The following DYRK4 variants were observed in gnomAD, a reference collection of about 807,000 sequenced individuals.
DYRK4 encodes the protein dual specificity tyrosine-phosphorylation-regulated kinase 4.
DYRK4 carries 64 observed loss-of-function variants against 68.3 expected under a neutral mutation model. The observed-to-expected ratio is 0.94, with a 90% CI of 0.77 to 1.15. The LOEUF is 1.15. Among genes scored for constraint, DYRK4 ranks in the 50% most tolerant of loss-of-function variants. DYRK4 has a pLI of 0.00. For missense variants in DYRK4, 740 were observed against 764.7 expected (o/e 0.97, Z 0.38); for synonymous variants, 274 against 289.9 (o/e 0.95, Z 0.56).
chr12:4,599,633 G>A lies in DYRK4; in HGVS notation c.1045-74G>A. 3.6e-6 allele frequency: 4 copies of A among 1,111,274 alleles called. No homozygotes were observed. The South Asian group carries it at 5.5e-5, about 15-fold the overall frequency. 68.8% of individuals were successfully genotyped at this position (1,111,274 alleles called of 1,614,324 possible). Reference sequence around the variant, plus strand: ...ATATTTGAACTGGGCCCTGAAGGATGAGGAGCATTTAGGTAAGTAGAGGGC... The same window carrying A: ...ATATTTGAACTGGGCCCTGAAGGATAAGGAGCATTTAGGTAAGTAGAGGGC... On this transcript the variant is annotated intron_variant, in intron 9 of 14. Transcript: ENST00000543431.
Position 4,599,935 on chromosome 12 carries a change from A to G in DYRK4, c.1126+147A>G, listed in dbSNP as rs1025447276. 59 of 644,614 alleles carry G rather than the reference A, an allele frequency of 9.2e-5. 1 individual carries two copies. The East Asian group carries it at 1.5e-3, about 17-fold the overall frequency. The allele number at this position is 644,614 out of a possible 1,614,324, so 39.9% of individuals were successfully genotyped here. A position where few individuals can be genotyped will look rare whatever the true frequency, so the allele number is the denominator to read the frequency against. ...CAAGGTGCTTCGCTTCTCTGAGCCC[A>G]AGTTGCCTCATCTACAATTTGAGAA... On this transcript the variant is annotated intron_variant, in intron 10 of 14. Transcript: ENST00000543431.
chr12:4,566,191 CT>C (rs1176806058), intron 1 of DYRK4, among the ~76,000 whole-genome samples: 4 of 152,138 alleles, frequency 2.6e-5, no homozygotes, highest in Admixed American at 1.3e-4. Context: ...TTCCTAGTTC[CT>C]CCAAATCGTG....
intron 3 of DYRK4, 23 bp from the exon 4 acceptor site, chr12:4,590,307 A>G (rs2137361206): frequency 4.6e-6 from 7 of 1,526,130 alleles, no homozygotes; most frequent in Non-Finnish European, 6.1e-6. Flanking sequence ...CTTTTGTAAC[A>G]CATGCAATTT....
At chr12:4,583,580 A>G (rs1170185646) in intron 2 of DYRK4, among the ~76,000 whole-genome samples, 1 of 152,050 alleles carries the variant, frequency 6.6e-6, no homozygotes, top group Non-Finnish European at 1.5e-5. Context: ...TTTTTAGTAG[A>G]GACAGGGTTT....
Position 4,588,885 on chromosome 12 carries a change from G to A in DYRK4, c.133-52G>A, listed in dbSNP as rs974442404. On this transcript the variant is annotated intron_variant, in intron 2 of 14. Coordinates refer to ENST00000543431, the MANE Select transcript of DYRK4 (RefSeq NM_001394779.1). Reference sequence around the variant, plus strand: ...TTGTAATGTAACAAAAATATACAGTGTGGGATAAAGCCATGCCAAGCATTG... The same window carrying A: ...TTGTAATGTAACAAAAATATACAGTATGGGATAAAGCCATGCCAAGCATTG... 1.0e-5 allele frequency: 15 copies of A among 1,497,232 alleles called. No individual in the cohort carries two copies. The African/African-American group carries it at 1.7e-4, about 17-fold the overall frequency. The allele number at this position is 1,497,232 out of a possible 1,614,324, so 92.7% of individuals were successfully genotyped here.
intron 13 of DYRK4, chr12:4,610,512 T>C (rs1214461260): frequency 8.2e-6 from 3 of 365,820 alleles, no homozygotes; most frequent in African/African-American, 6.3e-5. Context: ...TTTGCACGTA[T>C]GGAGGTTGGG....
chr12:4,570,034 C>A (rs1275367160), intron 2 of DYRK4, among the ~76,000 whole-genome samples: 6 of 141,180 alleles, frequency 4.2e-5, no homozygotes, highest in Non-Finnish European at 7.6e-5. Flanking sequence ...AAGACCCTGT[C>A]GCTATAAATA....
chr12:4,590,672 A>G (rs1944943799), intron 4 of DYRK4: 4 of 849,190 alleles, frequency 4.7e-6, no homozygotes, highest in Non-Finnish European at 6.4e-6. Flanking sequence ...GGATTCATTG[A>G]GGAAAAATGA....
intron 4 of DYRK4, 163 bp downstream of exon 4, chr12:4,590,603 C>A: frequency 7.5e-7 from 1 of 1,334,558 alleles, no homozygotes; most frequent in Non-Finnish European, 9.6e-7. Context: ...TAAGCTTGAG[C>A]AAATAAGTCC....
chr12:4,565,474 A>C (rs1243823220), intron 1 of DYRK4, among the ~76,000 whole-genome samples: 1 of 152,188 alleles, frequency 6.6e-6, no homozygotes, highest in Admixed American at 6.5e-5. Flanking sequence ...CAAATGGCTC[A>C]TTCAAAATCA....
Position 4,596,688 on chromosome 12 carries a change from C to G in DYRK4, c.864C>G (p.Phe288Leu). 1 of 1,614,210 alleles carries G rather than the reference C, an allele frequency of 6.2e-7. No homozygotes were observed. The highest frequency in any genetic ancestry group is 8.5e-7 in the Non-Finnish European group (1 of 1,180,044). The part of the protein sequence containing the change: ...TYNVVHMKDF[F>L]YFRNHFCITF... Reference sequence around the variant, plus strand: ...ATGTGGTGCATATGAAGGACTTTTTCTACTTTCGCAATCACTTCTGCATCA... The same window carrying G: ...ATGTGGTGCATATGAAGGACTTTTTGTACTTTCGCAATCACTTCTGCATCA... The change falls in exon 8 of 15, where the codon TTC (phenylalanine) becomes TTG (leucine). Residue 288 changes from phenylalanine (F) to leucine (L), a missense_variant. Physicochemically the swap from Phe to Leu is conservative, Grantham distance 22. Transcript: ENST00000543431.
intron 2 of DYRK4, among the ~76,000 whole-genome samples, chr12:4,579,714 A>T (rs973091033): frequency 1.3e-5 from 2 of 152,218 alleles, no homozygotes; most frequent in East Asian, 3.8e-4. Context: ...ACTTTATATT[A>T]TAGGAAATTT....
chr12:4,562,842 G>A (rs1944642015), intron 1 of DYRK4, among the ~76,000 whole-genome samples: 1 of 135,450 alleles, frequency 7.4e-6, no homozygotes, highest in South Asian at 2.3e-4. Context: ...CACACACCCA[G>A]AGCTGCCACT....
intron 1 of DYRK4, 67 bp downstream of exon 1, chr12:4,562,350 T>C: frequency 6.7e-7 from 1 of 1,494,396 alleles, no homozygotes; most frequent in Non-Finnish European, 8.9e-7. Context: ...CGACGAAGCT[T>C]CTGGTCGACG....
intron 10 of DYRK4, chr12:4,603,162 G>T: frequency 7.6e-7 from 1 of 1,313,896 alleles, no homozygotes; most frequent in Non-Finnish European, 1.1e-6. Context: ...TGAATACTCG[G>T]TACCGAAATG....
chr12:4,562,326 G>T, intron 1 of DYRK4, 43 bp downstream of exon 1: 1 of 1,520,022 alleles, frequency 6.6e-7, no homozygotes, highest in Admixed American at 2.1e-5. Context: ...AGTCAGGCGC[G>T]AGTACGAGGC....
intron 10 of DYRK4, among the ~76,000 whole-genome samples, chr12:4,601,395 A>G (rs1462170811): frequency 6.6e-6 from 1 of 152,236 alleles, no homozygotes; most frequent in Non-Finnish European, 1.5e-5. Flanking sequence ...TTCTCATAGA[A>G]TGTACATCTT....
In DYRK4 at chr12:4,591,228, C is replaced by G; in HGVS notation, c.393C>G (p.Ser131Arg). Reference sequence around the variant, plus strand: ...CTTCAGAAATACCTTTCCACCCTAGCATTAAAACCCAGGATCCCAAGGCAG... The same window carrying G: ...CTTCAGAAATACCTTTCCACCCTAGGATTAAAACCCAGGATCCCAAGGCAG... The part of the protein sequence containing the change: ...LKASEIPFHP[S>R]IKTQDPKAEE... Residue 131 changes from serine to arginine, a missense_variant, in exon 5 of 15, where the codon AGC becomes AGG. Transcript: ENST00000543431. The surrounding 1 kb of genome is among the most constrained non-coding windows in gnomAD (Gnocchi z 4.1). 6.2e-7 allele frequency: 1 copy of G among 1,614,164 alleles called. No homozygotes were observed. Among genetic ancestry groups the G allele is most frequent in the Non-Finnish European group, 8.5e-7 (1 of 1,180,036 alleles).
rs946038713 is a variant in DYRK4, at chr12:4,568,186, T to C, written c.132+138T>C. On this transcript the variant is annotated intron_variant, in intron 2 of 14. Transcript: ENST00000543431. Reference sequence around the variant, plus strand: ...GCAAAGGTGTGGAGGATCATGCTGATTGGCAGGGCCAAATCTGGGTGGGTG... The same window carrying C: ...GCAAAGGTGTGGAGGATCATGCTGACTGGCAGGGCCAAATCTGGGTGGGTG... The C allele has an allele frequency of 1.5e-5, 12 of 774,814 alleles. No individual in the cohort carries two copies. In the South Asian group the frequency reaches 2.2e-4, roughly 14 times the overall value. 48.0% of individuals were successfully genotyped at this position (774,814 alleles called of 1,614,324 possible).
Sources: allele counts gnomAD v4.1 joint callset (sites outside exome capture counted in the v4.1 genomes callset), GRCh38; gene constraint gnomAD v4.1.1; non-coding constraint Gnocchi (gnomAD v3.1); transcripts MANE v1.5; gene names NCBI Gene and HGNC (gene_info 2026-07-23, HGNC 2026-07-21).